Variants in RUNX1 observed in about 807,000 individuals in gnomAD.
The protein encoded by RUNX1 is runt-related transcription factor 1.
In RUNX1, 19 loss-of-function variants were observed where a neutral mutation model predicts 42.8. That is an observed-to-expected ratio of 0.44 (90% CI 0.31 to 0.65). The LOEUF (loss-of-function observed/expected upper bound fraction) is 0.65, where lower values mean the gene tolerates loss of function less well. Among genes scored for constraint, RUNX1 ranks in the 30% least tolerant of loss-of-function variants. RUNX1 has a pLI of 0.07. For missense variants in RUNX1, 528 were observed against 672.0 expected (o/e 0.79, Z 2.37); for synonymous variants, 271 against 289.4 (o/e 0.94, Z 0.64).
At chr21:34,833,721 C>T (rs1334100356) in intron 7 of RUNX1, 1 of 164,586 alleles carries the variant, frequency 6.1e-6, no homozygotes, top group Admixed American at 5.6e-5. Flanking sequence ...AACGGTATCA[C>T]AGAGCAAACA....
chr21:34,953,546 G>A (rs916563731), intron 2 of RUNX1, among the ~76,000 whole-genome samples: 11 of 152,176 alleles, frequency 7.2e-5, no homozygotes. Flanking sequence ...GATATAAGGA[G>A]TCTAGGTTTT....
rs141094574 is a variant in RUNX1 at position 34,955,680 on chromosome 21, G to A, written c.59-62717C>T. Among the ~76,000 whole-genome samples the A allele has an allele frequency of 8.9e-4, 136 of 152,294 alleles. 2 individuals are homozygous for A. The highest frequency in any genetic ancestry group is 3.2e-3 in the African/African-American group (131 of 41,562). On this transcript the variant is annotated intron_variant, in intron 2 of 8. Coordinates refer to ENST00000675419, the MANE Select transcript of RUNX1 (RefSeq NM_001754.5). ...ATCCCTTAAGACTCCCAGGCTTTCC[G>A]AAGGTGAATTTTTAAGCATTGATGG...
intron 6 of RUNX1, among the ~76,000 whole-genome samples, chr21:34,842,261 C>T (rs2057247882): frequency 6.6e-6 from 1 of 151,984 alleles, no homozygotes; most frequent in Admixed American, 6.6e-5. Flanking sequence ...GGGAGGCCGA[C>T]ACAGGCGGGT....
At chr21:34,890,151 G>A (rs2058062901) in intron 3 of RUNX1, among the ~76,000 whole-genome samples, 1 of 151,978 alleles carries the variant, frequency 6.6e-6, no homozygotes, top group East Asian at 1.9e-4. Flanking sequence ...GGCCTTTCCC[G>A]GGCGGGCCCG....
chr21:35,013,734 T>A (rs1007505803), intron 2 of RUNX1, among the ~76,000 whole-genome samples: 4 of 152,158 alleles, frequency 2.6e-5, no homozygotes, highest in African/African-American at 9.7e-5. Flanking sequence ...TTCTAGGAAC[T>A]TATCCTAAGG....
chr21:34,910,393 T>TC (rs1403430944), intron 2 of RUNX1, among the ~76,000 whole-genome samples: 1 of 147,370 alleles, frequency 6.8e-6, no homozygotes, highest in Non-Finnish European at 1.5e-5. Flanking sequence ...GTTTTTTTTT[T>TC]TTCTGGTACA....
intron 2 of RUNX1, among the ~76,000 whole-genome samples, chr21:34,987,525 A>C (rs2146814908): frequency 6.6e-6 from 1 of 152,296 alleles, no homozygotes; most frequent in Middle Eastern, 3.4e-3. Context: ...CTGAATGTCA[A>C]GGGGGAGATG....
intron 7 of RUNX1, among the ~76,000 whole-genome samples, chr21:34,816,067 T>C (rs1462838468): frequency 1.3e-5 from 2 of 151,936 alleles, no homozygotes; most frequent in African/African-American, 4.8e-5. Flanking sequence ...AGCTGGGATC[T>C]GGGAAAGGAG....
chr21:35,005,535 A>G (rs545204721), intron 2 of RUNX1, among the ~76,000 whole-genome samples: 2 of 152,156 alleles, frequency 1.3e-5, no homozygotes, highest in Admixed American at 1.3e-4. Flanking sequence ...TTTTCCAGAC[A>G]TACTATATGA....
chr21:34,908,019 T>C (rs1007036710), intron 2 of RUNX1, among the ~76,000 whole-genome samples: 5 of 152,274 alleles, frequency 3.3e-5, no homozygotes, highest in African/African-American at 1.2e-4. Flanking sequence ...TCCACCCCCA[T>C]GCTCTGCCAC....
Position 34,901,507 on chromosome 21 carries a change from GTC to G in RUNX1, c.59-8546_59-8545del, listed in dbSNP as rs1212115427. Among the ~76,000 whole-genome samples, 4 of 151,696 alleles carry G rather than the reference GTC, an allele frequency of 2.6e-5. No individual in the cohort carries two copies. Among genetic ancestry groups the G allele is most frequent in the African/African-American group, 9.7e-5 (4 of 41,188 alleles). On this transcript the variant is annotated intron_variant, in intron 2 of 8. Transcript: ENST00000675419. This position sits in a 1 kb window ranked among gnomAD's most constrained non-coding sequence, Gnocchi z 4.3. ...CAACCTGGGGGACAGAGCCAGATCC[GTC>G]TCAAAAATAAATAATAATAATAATA...
In RUNX1 at chr21:34,818,560, G is replaced by A. The variant is rs865892617; in HGVS notation, c.805+15850C>T. 5.3e-5 allele frequency among the ~76,000 whole-genome samples: 8 copies of A among 152,296 alleles called. 1 individual carries two copies. In the South Asian group the frequency reaches 6.2e-4, roughly 12 times the overall value. On this transcript the variant is annotated intron_variant, in intron 7 of 8. Coordinates refer to ENST00000675419, the MANE Select transcript of RUNX1 (RefSeq NM_001754.5). ...AACAAGGCCCTCATTGTCTCAGACA[G>A]GTGTGAGATTGGACTTGATTCGGGG... is the stretch of plus-strand genomic sequence containing the variant.
rs115455631 is a variant in RUNX1, at chr21:34,865,456, C to A, written c.509-5878G>T. ...GTGGCTGATATGCTATGTAAACAAGCCAGGCCAGTGCTCCTCACTGCAACA... is the reference window on the plus strand; with the variant it reads ...GTGGCTGATATGCTATGTAAACAAGACAGGCCAGTGCTCCTCACTGCAACA... On this transcript the variant is annotated intron_variant, in intron 5 of 8. Coordinates refer to ENST00000675419, the MANE Select transcript of RUNX1 (RefSeq NM_001754.5). Among the ~76,000 whole-genome samples, 859 of 152,296 alleles carry A rather than the reference C, an allele frequency of 5.6e-3. 9 individuals are homozygous for A. The highest frequency in any genetic ancestry group is 0.02 in the African/African-American group (818 of 41,568).
chr21:34,875,557 A>G (rs917038848), intron 5 of RUNX1, among the ~76,000 whole-genome samples: 3 of 152,186 alleles, frequency 2.0e-5, no homozygotes, highest in Non-Finnish European at 4.4e-5. Flanking sequence ...TTTTCCTTAT[A>G]TTCTCTCCAG....
chr21:34,889,115 G>A lies in RUNX1; in HGVS notation c.98-2019C>T, dbSNP rs552723173. On this transcript the variant is annotated intron_variant, in intron 3 of 8. Coordinates refer to ENST00000675419, the MANE Select transcript of RUNX1 (RefSeq NM_001754.5). ...GAGAGGCCCGGCCCCGCGAGCCGCTGCAGGCAGGCGCAGTGGCCGCCACGA... is the reference window on the plus strand; with the variant it reads ...GAGAGGCCCGGCCCCGCGAGCCGCTACAGGCAGGCGCAGTGGCCGCCACGA... Among the ~76,000 whole-genome samples the A allele has an allele frequency of 2.0e-3, 295 of 148,278 alleles. 1 individual carries two copies. Among genetic ancestry groups the A allele is most frequent in the East Asian group, 0.011 (54 of 4,874 alleles).
chr21:34,950,605 C>A (rs1379805006), intron 2 of RUNX1, among the ~76,000 whole-genome samples: 1 of 152,076 alleles, frequency 6.6e-6, no homozygotes, highest in Non-Finnish European at 1.5e-5. Context: ...CGCATGGTGG[C>A]GGGTGCCTGT....
chr21:34,864,749 C>A (rs992076431), intron 5 of RUNX1, among the ~76,000 whole-genome samples: 1 of 152,150 alleles, frequency 6.6e-6, no homozygotes, highest in African/African-American at 2.4e-5. Context: ...CCAGCCAGGG[C>A]TTGGGTTCCA....
chr21:34,808,851 A>G (rs1176697379), intron 7 of RUNX1, among the ~76,000 whole-genome samples: 2 of 152,158 alleles, frequency 1.3e-5, no homozygotes, highest in African/African-American at 2.4e-5. Context: ...ATAGGTCACT[A>G]GCTTCCAGAA....
intron 2 of RUNX1, among the ~76,000 whole-genome samples, chr21:34,961,496 T>C (rs1220254756): frequency 1.3e-5 from 2 of 152,162 alleles, no homozygotes; most frequent in East Asian, 3.8e-4. Flanking sequence ...CTGGGTAAAA[T>C]TTCCACAACA....
Sources: allele counts gnomAD v4.1 joint callset (sites outside exome capture counted in the v4.1 genomes callset), GRCh38; gene constraint gnomAD v4.1.1; non-coding constraint Gnocchi (gnomAD v3.1); transcripts MANE v1.5; gene names NCBI Gene and HGNC (gene_info 2026-07-23, HGNC 2026-07-21).